Variants in ST6GALNAC2 observed in about 807,000 individuals in gnomAD.
ST6GALNAC2 encodes the protein ST6 N-acetylgalactosaminide alpha-2,6-sialyltransferase 2, also known as alpha-N-acetylgalactosaminide alpha-2,6-sialyltransferase 2.
ST6GALNAC2 carries 42 observed loss-of-function variants against 38.7 expected under a neutral mutation model. The ratio of observed to expected loss-of-function variants is 1.09; its 90% CI spans 0.85 to 1.40. ST6GALNAC2 has a LOEUF of 1.40. ST6GALNAC2 is among the 40% of genes most tolerant of loss of function. The pLI, the probability that ST6GALNAC2 is intolerant of heterozygous loss-of-function variation, is 0.00. For synonymous variants in ST6GALNAC2, 233 were observed against 209.0 expected, an observed-to-expected ratio of 1.11 and a Z score of -0.99; for missense variants, 506 against 481.7, an observed-to-expected ratio of 1.05 and a Z score of -0.47.
At chr17:76,578,693 C>T in intron 2 of ST6GALNAC2, 63 bp downstream of exon 2, 1 of 1,495,708 alleles carries the variant, frequency 6.7e-7, no homozygotes, top group Non-Finnish European at 9.2e-7. Context: ...GTTTGCTCTT[C>T]TTCCCTCCTC....
rs551931263 is a variant in ST6GALNAC2 at position 76,573,068 on chromosome 17, C to G, written c.530+127G>C. 2.8e-6 allele frequency: 3 copies of G among 1,075,212 alleles called. No homozygotes were observed. Among genetic ancestry groups the G allele is most frequent in the Non-Finnish European group, 4.0e-6 (3 of 759,244 alleles). 66.6% of individuals were successfully genotyped at this position (1,075,212 alleles called of 1,614,324 possible). A position where few individuals can be genotyped will look rare whatever the true frequency, so the allele number is the denominator to read the frequency against. On this transcript the variant is annotated intron_variant, in intron 4 of 8. Transcript: ENST00000225276. This position sits in a 1 kb window ranked among gnomAD's most constrained non-coding sequence, Gnocchi z 5.1. ...TGTTTGTTTTTGCCTTGTCCATGCC[C>G]GTGTGCTGGTCACAACTGCTGAGCC...
chr17:76,570,241 G>T, intron 6 of ST6GALNAC2: 1 of 309,394 alleles, frequency 3.2e-6, no homozygotes, highest in Non-Finnish European at 6.2e-6. Context: ...GCTGGGCTGG[G>T]CAGGGAGAGT....
At chr17:76,570,060 C>T (rs548290667) in intron 6 of ST6GALNAC2, 124 of 162,222 alleles carry the variant, frequency 7.6e-4, no homozygotes, top group Admixed American at 1.5e-3. Flanking sequence ...CCATTGTTTC[C>T]GCCTCTCAGG....
In ST6GALNAC2 at chr17:76,566,272, C is replaced by T. The variant is rs752420246; in HGVS notation, c.958-1G>A. The T allele has an allele frequency of 2.5e-6, 4 of 1,614,010 alleles. No homozygotes were observed. Among genetic ancestry groups the T allele is most frequent in the Non-Finnish European group, 3.4e-6 (4 of 1,179,974 alleles). On this transcript the variant is annotated splice_acceptor_variant, in intron 8 of 8. Coordinates refer to ENST00000225276, the MANE Select transcript of ST6GALNAC2 (RefSeq NM_006456.3). LOFTEE classifies it high-confidence loss of function. ...TTGTGATGAATCCATAGGCACTGAC[C>T]TGGGCAAGGATAGTCGCTGGATTAG...
At position 76,570,956 on chromosome 17, in the gene ST6GALNAC2, A is replaced by G. The variant is rs1453963101; in HGVS notation, c.670-288T>C. The G allele has an allele frequency of 1.4e-5, 5 of 362,584 alleles. No homozygotes were observed. In the East Asian group the frequency reaches 2.6e-4, roughly 19 times the overall value. The allele number at this position is 362,584 out of a possible 1,614,324, so 22.5% of individuals were successfully genotyped here. A position where few individuals can be genotyped will look rare whatever the true frequency, so the allele number is the denominator to read the frequency against. Reference sequence around the variant, plus strand: ...AGAGGAAAGTGATGGTGTGTGGCTTAGAGACTAGGTCATAAAAGGCACTGT... The same window carrying G: ...AGAGGAAAGTGATGGTGTGTGGCTTGGAGACTAGGTCATAAAAGGCACTGT... On this transcript the variant is annotated intron_variant, in intron 5 of 8. Coordinates refer to ENST00000225276, the MANE Select transcript of ST6GALNAC2 (RefSeq NM_006456.3).
rs2075281341 is a variant in ST6GALNAC2, at chr17:76,566,278, A to ACTG, written c.958-8_958-7insCAG. On this transcript the variant is annotated splice_region_variant and splice_polypyrimidine_tract_variant and intron_variant, in intron 8 of 8. Coordinates refer to ENST00000225276, the MANE Select transcript of ST6GALNAC2 (RefSeq NM_006456.3). ...TGAATCCATAGGCACTGACCTGGGC[A>ACTG]AGGATAGTCGCTGGATTAGTATTTG... 4 of 1,613,864 alleles carry ACTG rather than the reference A, an allele frequency of 2.5e-6. No homozygotes were observed. Among genetic ancestry groups the ACTG allele is most frequent in the Admixed American group, 1.7e-5 (1 of 60,000 alleles).
intron 7 of ST6GALNAC2, chr17:76,568,489 T>C: frequency 1.7e-6 from 1 of 590,500 alleles, no homozygotes; most frequent in Non-Finnish European, 3.0e-6. Flanking sequence ...ATCCTGAGTT[T>C]CCTGTCCATT....
intron 6 of ST6GALNAC2, chr17:76,569,220 C>T: frequency 2.9e-6 from 1 of 349,884 alleles, no homozygotes. Context: ...AGGGGGGCTC[C>T]TTCAGAAAGC....
intron 2 of ST6GALNAC2, 85 bp downstream of exon 2, chr17:76,578,671 G>A (rs1567933297): frequency 1.5e-6 from 2 of 1,297,648 alleles, no homozygotes; most frequent in Non-Finnish European, 1.1e-6. Context: ...GCAATCTCAT[G>A]AGAGTGTTCT....
rs779716467 is a variant in ST6GALNAC2 at position 76,566,155 on chromosome 17, G to A, written c.1074C>T (p.Ala358=). The A allele has an allele frequency of 1.9e-5, 31 of 1,613,962 alleles. No homozygotes were observed. In the South Asian group the frequency reaches 3.3e-4, roughly 17 times the overall value. Residue 358 remains alanine, a synonymous_variant, in exon 9 of 9, where the codon GCC becomes GCT. Coordinates refer to ENST00000225276, the MANE Select transcript of ST6GALNAC2 (RefSeq NM_006456.3). The part of the protein sequence containing the change: ...YANHDLSLEA[A]LWRDLHKAGI... ...CGGCCTTGTGCAGGTCCCTCCACAG[G>A]GCAGCTTCCAGGGACAGATCGTGGT...
At chr17:76,570,096 C>CGTTTCATG in intron 6 of ST6GALNAC2, 1 of 168,930 alleles carries the variant, frequency 5.9e-6, no homozygotes, top group East Asian at 1.7e-4. Flanking sequence ...TCTGCTCTCC[C>CGTTTCATG]GTTTCATGGG....
intron 1 of ST6GALNAC2, among the ~76,000 whole-genome samples, chr17:76,581,263 C>T (rs1477878739): frequency 1.3e-5 from 2 of 152,172 alleles, no homozygotes; most frequent in African/African-American, 4.8e-5. Flanking sequence ...TCCCGTAGTT[C>T]CTGCTCATGA....
At position 76,573,287 on chromosome 17, in the gene ST6GALNAC2, T is replaced by TGGAG; in HGVS notation, c.434_437dup (p.Lys147SerfsTer28). On this transcript the variant is annotated frameshift_variant, in exon 4 of 9. Transcript: ENST00000225276. LOFTEE classifies it high-confidence loss of function. This position sits in a 1 kb window ranked among gnomAD's most constrained non-coding sequence, Gnocchi z 5.1. ...CCACCACGGCACACCGGATACACTT[T>TGGAG]GGAGGGGTGTCCCTGGGCGGGGCAA... The TGGAG allele has an allele frequency of 6.2e-7, 1 of 1,607,950 alleles. No homozygotes were observed. The highest frequency in any genetic ancestry group is 8.5e-7 in the Non-Finnish European group (1 of 1,177,200).
chr17:76,584,504 G>T (rs1400963359), intron 1 of ST6GALNAC2, among the ~76,000 whole-genome samples: 1 of 152,124 alleles, frequency 6.6e-6, no homozygotes, highest in Non-Finnish European at 1.5e-5. Flanking sequence ...TTTTGAGACA[G>T]GGTCTCTCTC....
chr17:76,572,745 C>A lies in ST6GALNAC2; in HGVS notation c.561G>T (p.Glu187Asp). 6.2e-7 allele frequency: 1 copy of A among 1,614,202 alleles called. No individual in the cohort carries two copies. Among genetic ancestry groups the A allele is most frequent in the Non-Finnish European group, 8.5e-7 (1 of 1,180,026 alleles). Residue 187 changes from glutamate (E) to aspartate (D), a missense_variant, in exon 5 of 9, where the codon GAG becomes GAT. Glu to Asp is a conservative substitution (Grantham distance 45). Transcript: ENST00000225276. The stretch of plus-strand genomic sequence containing the variant: ...AGGAAGTCTTGGTGCCCACATCGCG[C>A]TCGAAGCCTTTGATCACAGCTCCAT... ...RLNGAVIKGF[E>D]RDVGTKTSFY...
rs768246688 is a variant in ST6GALNAC2 at position 76,573,880 on chromosome 17, T to C, written c.361+485A>G. ...GGCGGAGGTTGTAGTGAGCTGAGAT[T>C]GTGCCATTGCACTCCAGCCTGAGTG... On this transcript the variant is annotated intron_variant, in intron 3 of 8. Coordinates refer to ENST00000225276, the MANE Select transcript of ST6GALNAC2 (RefSeq NM_006456.3). This position sits in a 1 kb window ranked among gnomAD's most constrained non-coding sequence, Gnocchi z 5.1. 2.0e-5 allele frequency among the ~76,000 whole-genome samples: 3 copies of C among 152,166 alleles called. No individual in the cohort carries two copies. Among genetic ancestry groups the C allele is most frequent in the Non-Finnish European group, 4.4e-5 (3 of 68,030 alleles).
In ST6GALNAC2 at chr17:76,572,606, A is replaced by T. The variant is rs1417886254; in HGVS notation, c.669+31T>A. ...TCCAGGAACAATGGTGCCATTGTCA[A>T]CCACAATGGCATGCCCGCCAGAGGC... On this transcript the variant is annotated intron_variant, in intron 5 of 8. Coordinates refer to ENST00000225276, the MANE Select transcript of ST6GALNAC2 (RefSeq NM_006456.3). The T allele has an allele frequency of 2.5e-6, 4 of 1,612,530 alleles. No homozygotes were observed. In the African/African-American group the frequency reaches 5.3e-5, roughly 22 times the overall value.
intron 1 of ST6GALNAC2, among the ~76,000 whole-genome samples, chr17:76,580,413 TG>T (rs1421355439): frequency 7.1e-6 from 1 of 141,472 alleles, no homozygotes; most frequent in East Asian, 2.2e-4. Flanking sequence ...GTGAAACTCC[TG>T]GCCGGGTGCG....
intron 3 of ST6GALNAC2, 146 bp downstream of exon 3, chr17:76,574,219 C>A: frequency 1.0e-6 from 1 of 956,610 alleles, no homozygotes; most frequent in Non-Finnish European, 1.5e-6. Flanking sequence ...GCAGGAGTTG[C>A]ATAGCTGGGG....
Sources: gnomAD v4.1 joint callset for allele counts (sites outside exome capture counted in the v4.1 genomes callset) on GRCh38, gnomAD v4.1.1 for gene constraint, Gnocchi (gnomAD v3.1) non-coding constraint, MANE v1.5 for transcripts, NCBI Gene and HGNC (gene_info 2026-07-23, HGNC 2026-07-21) for gene names.